Variants in C7orf33 observed in about 807,000 individuals in gnomAD.
C7orf33 encodes uncharacterized protein C7orf33.
C7orf33 carries 15 observed loss-of-function variants against 13.4 expected under a neutral mutation model. That is an observed-to-expected ratio of 1.12 (90% CI 0.75 to 1.72). The LOEUF is 1.72. Among genes scored for constraint, C7orf33 ranks in the 40% most tolerant of loss-of-function variants. The pLI is 0.00. For synonymous variants in C7orf33, 73 were observed against 83.2 expected (o/e 0.88, Z 0.67); for missense variants, 187 against 220.3 (o/e 0.85, Z 0.96).
chr7:148,601,349 T>A (rs895724830), intron 1 of C7orf33, among the ~76,000 whole-genome samples: 1 of 152,084 alleles, frequency 6.6e-6, no homozygotes, highest in African/African-American at 2.4e-5. Flanking sequence ...GCTTTTAAAA[T>A]TTTTTTTATT....
rs749685922 is a variant in C7orf33 at position 148,590,878 on chromosome 7, C to G, written c.-48C>G. Reference sequence around the variant, plus strand: ...TTGATCTTAGATATTGGTGGTGAAGCGCCGCTCTCCTTGACAGCATCCAGG... The same window carrying G: ...TTGATCTTAGATATTGGTGGTGAAGGGCCGCTCTCCTTGACAGCATCCAGG... On this transcript the variant is annotated 5_prime_UTR_variant, in exon 1 of 3. Coordinates refer to ENST00000307003, the MANE Select transcript of C7orf33 (RefSeq NM_145304.4). The G allele has an allele frequency of 1.3e-6, 2 of 1,540,352 alleles. No individual in the cohort carries two copies. Among genetic ancestry groups the G allele is most frequent in the African/African-American group, 1.4e-5 (1 of 73,564 alleles).
intron 1 of C7orf33, among the ~76,000 whole-genome samples, chr7:148,603,304 G>T (rs909001819): frequency 6.6e-6 from 1 of 152,160 alleles, no homozygotes; most frequent in Non-Finnish European, 1.5e-5. Context: ...AAGGAGGCCA[G>T]ACTCGGTGGC....
chr7:148,601,388 C>T (rs182036648), intron 1 of C7orf33, among the ~76,000 whole-genome samples: 1 of 152,098 alleles, frequency 6.6e-6, no homozygotes, highest in Admixed American at 6.5e-5. Context: ...CTCTGTTGCC[C>T]AGGCTGAAGT....
chr7:148,603,363 C>T (rs998888609), intron 1 of C7orf33, among the ~76,000 whole-genome samples: 1 of 152,066 alleles, frequency 6.6e-6, no homozygotes, highest in African/African-American at 2.4e-5. Context: ...TCGAGACCAG[C>T]CTGGCCAACA....
At chr7:148,613,710 G>A (rs990892135) in intron 1 of C7orf33, among the ~76,000 whole-genome samples, 3 of 152,204 alleles carry the variant, frequency 2.0e-5, no homozygotes, top group Non-Finnish European at 4.4e-5. Context: ...TTTGGGGGAT[G>A]ATGAAAAAGT....
chr7:148,611,553 C>T (rs1796543338), intron 1 of C7orf33, among the ~76,000 whole-genome samples: 1 of 152,208 alleles, frequency 6.6e-6, no homozygotes, highest in African/African-American at 2.4e-5. Context: ...GCTCCCCATC[C>T]ATGTTGCTGA....
intron 1 of C7orf33, among the ~76,000 whole-genome samples, chr7:148,595,664 T>TC: frequency 3.8e-5 from 4 of 106,256 alleles, no homozygotes; most frequent in Admixed American, 3.1e-4. Context: ...TAGATCTATA[T>TC]TATATAGATA....
chr7:148,600,858 A>T (rs1326414969), intron 1 of C7orf33, among the ~76,000 whole-genome samples: 1 of 138,198 alleles, frequency 7.2e-6, no homozygotes, highest in Admixed American at 7.7e-5. Flanking sequence ...GCTGGAGAGC[A>T]GTGGCGTGAT....
At chr7:148,595,305 A>G (rs1340520296) in intron 1 of C7orf33, among the ~76,000 whole-genome samples, 1 of 140,586 alleles carries the variant, frequency 7.1e-6, no homozygotes, top group Non-Finnish European at 1.5e-5. Flanking sequence ...ATATAGATAT[A>G]TAATATATAA....
chr7:148,597,816 C>T (rs764952946), intron 1 of C7orf33, among the ~76,000 whole-genome samples: 10 of 152,088 alleles, frequency 6.6e-5, no homozygotes, highest in East Asian at 3.9e-4. Flanking sequence ...AGTGCAGTGG[C>T]GTGATCTCAG....
intron 1 of C7orf33, among the ~76,000 whole-genome samples, chr7:148,594,274 C>T (rs900815471): frequency 5.1e-4 from 76 of 150,222 alleles, no homozygotes; most frequent in African/African-American, 1.9e-3. Context: ...CTCCCGGGTT[C>T]GTGCCATTCT....
intron 1 of C7orf33, among the ~76,000 whole-genome samples, chr7:148,598,808 A>AGG (rs1563121462): frequency 3.4e-4 from 44 of 128,212 alleles, no homozygotes; most frequent in African/African-American, 1.3e-3. Flanking sequence ...AGAGAGAGAG[A>AGG]GAGAGAGAAT....
chr7:148,615,419 A>C lies in C7orf33; in HGVS notation c.*18A>C. The C allele has an allele frequency of 4.0e-6, 6 of 1,497,288 alleles. No homozygotes were observed. The highest frequency in any genetic ancestry group is 5.6e-6 in the Non-Finnish European group (6 of 1,073,780). 92.8% of individuals were successfully genotyped at this position (1,497,288 alleles called of 1,614,324 possible). A position where few individuals can be genotyped will look rare whatever the true frequency, so the allele number is the denominator to read the frequency against. ...GCAGTTAAGAATTTTGCAGAATCTA[A>C]GAGTCACATCTCTAAATTTGTGTAG... On this transcript the variant is annotated 3_prime_UTR_variant, in exon 3 of 3. Transcript: ENST00000307003.
At chr7:148,611,974 G>A (rs1056194274) in intron 1 of C7orf33, among the ~76,000 whole-genome samples, 3 of 152,234 alleles carry the variant, frequency 2.0e-5, no homozygotes, top group African/African-American at 7.2e-5. Context: ...CATTTCACTA[G>A]CTTTCAGTAC....
intron 1 of C7orf33, among the ~76,000 whole-genome samples, chr7:148,612,138 C>T (rs1585466716): frequency 6.6e-6 from 1 of 152,334 alleles, no homozygotes. Flanking sequence ...TCTGAATATT[C>T]CACCTGCTTC....
chr7:148,599,753 G>A (rs1334561996), intron 1 of C7orf33, among the ~76,000 whole-genome samples: 4 of 152,072 alleles, frequency 2.6e-5, no homozygotes, highest in African/African-American at 9.7e-5. Flanking sequence ...GATTACAGGC[G>A]TGAGCCACCA....
At chr7:148,604,656 T>G (rs1276446762) in intron 1 of C7orf33, among the ~76,000 whole-genome samples, 1 of 152,124 alleles carries the variant, frequency 6.6e-6, no homozygotes, top group Admixed American at 6.6e-5. Flanking sequence ...AATCACCACT[T>G]AAGAACTTAT....
intron 1 of C7orf33, among the ~76,000 whole-genome samples, chr7:148,596,233 ACCTC>A (rs1397561210): frequency 6.6e-6 from 1 of 152,038 alleles, no homozygotes; most frequent in Non-Finnish European, 1.5e-5. Context: ...CACATGCACA[ACCTC>A]CCTCCCTATC....
rs149273351 is a variant in C7orf33, at chr7:148,608,620, T to G, written c.205-5422T>G. Among the ~76,000 whole-genome samples the G allele has an allele frequency of 6.5e-3, 984 of 151,652 alleles. 14 individuals carry two copies. Among genetic ancestry groups the G allele is most frequent in the African/African-American group, 0.022 (926 of 41,318 alleles). On this transcript the variant is annotated intron_variant, in intron 1 of 2. Transcript: ENST00000307003. ...ACCTGAGGTCAGGAGATCGAGACCA[T>G]CCTGGCCAACATGGAGAAACCCCGT...
Sources: allele counts gnomAD v4.1 joint callset (sites outside exome capture counted in the v4.1 genomes callset), GRCh38; gene constraint gnomAD v4.1.1; transcripts MANE v1.5; gene names NCBI Gene and HGNC (gene_info 2026-07-23, HGNC 2026-07-21).